The following DPP6 variants were observed in gnomAD, a reference collection of about 807,000 sequenced individuals.
The protein encoded by DPP6 is dipeptidyl peptidase like 6, also known as A-type potassium channel modulatory protein DPP6.
In DPP6, 69 loss-of-function variants were observed where a neutral mutation model predicts 122.6. That is an observed-to-expected ratio of 0.56 (90% CI 0.46 to 0.69). The LOEUF (loss-of-function observed/expected upper bound fraction) is 0.69. DPP6 is among the 30% of genes least tolerant of loss of function. The pLI is 0.00. For missense variants in DPP6, 928 were observed against 1,116.9 expected, an observed-to-expected ratio of 0.83 and a Z score of 2.41; for synonymous variants, 418 against 433.1, an observed-to-expected ratio of 0.97 and a Z score of 0.43.
intron 1 of DPP6, among the ~76,000 whole-genome samples, chr7:154,369,896 T>C (rs145218606): frequency 0.025 from 3,860 of 152,280 alleles, 149 homozygotes; most frequent in African/African-American, 0.086. Flanking sequence ...CACCAGGTGT[T>C]TATTCAGGTG....
At chr7:153,860,664 A>T in the DPP6 span, among the ~76,000 whole-genome samples, 1 of 137,056 alleles carries the variant, frequency 7.3e-6, no homozygotes, top group Non-Finnish European at 1.6e-5. Context: ...AAAAAAAAAA[A>T]AGGGGCCCTG....
At chr7:154,202,032 A>G (rs1175356092) in intron 1 of DPP6, among the ~76,000 whole-genome samples, 1 of 152,252 alleles carries the variant, frequency 6.6e-6, no homozygotes, top group African/African-American at 2.4e-5. Flanking sequence ...TACAGTTAGT[A>G]GTACCTAAAA....
intron 6 of DPP6, among the ~76,000 whole-genome samples, chr7:154,650,889 C>G (rs1160142743): frequency 1.3e-5 from 2 of 152,186 alleles, no homozygotes; most frequent in Non-Finnish European, 2.9e-5. Context: ...TGAGAACTGT[C>G]TACAATTAAC....
intron 22 of DPP6, among the ~76,000 whole-genome samples, chr7:154,886,154 T>C (rs1004302380): frequency 6.6e-6 from 1 of 152,142 alleles, no homozygotes; most frequent in Non-Finnish European, 1.5e-5. Flanking sequence ...TGGGCATGGG[T>C]ATTTGGTGCA....
chr7:154,368,517 C>G (rs974036655), intron 1 of DPP6, among the ~76,000 whole-genome samples: 45 of 152,310 alleles, frequency 3.0e-4, no homozygotes, highest in African/African-American at 1.1e-3. Flanking sequence ...ATAATTTTGC[C>G]ACGAAACATC....
chr7:154,522,619 T>C (rs1442026811), intron 3 of DPP6, among the ~76,000 whole-genome samples: 2 of 152,296 alleles, frequency 1.3e-5, no homozygotes, highest in Middle Eastern at 3.4e-3. Flanking sequence ...AAGAAACCTT[T>C]GTACCTCTTT....
At chr7:154,693,796 T>TGCCATAGTCATGTGGCTC (rs1398541937) in intron 7 of DPP6, among the ~76,000 whole-genome samples, 2 of 152,192 alleles carry the variant, frequency 1.3e-5, no homozygotes, top group Non-Finnish European at 2.9e-5. Flanking sequence ...TGATGTGGCC[T>TGCCATAGTCATGTGGCTC]GCCATAGTCA....
intron 1 of DPP6, chr7:154,026,881 A>G (rs1479249482): frequency 6.6e-6 from 1 of 152,032 alleles, no homozygotes; most frequent in Non-Finnish European, 1.5e-5. Context: ...GTAATATTCT[A>G]TTTTTAAAAT....
intron 1 of DPP6, among the ~76,000 whole-genome samples, chr7:154,216,602 T>G (rs1800011199): frequency 6.6e-6 from 1 of 152,180 alleles, no homozygotes; most frequent in East Asian, 1.9e-4. Context: ...GGGTGTATGA[T>G]GATCCTCTCT....
At chr7:154,819,101 TC>T (rs1799600125) in intron 16 of DPP6, among the ~76,000 whole-genome samples, 1 of 152,150 alleles carries the variant, frequency 6.6e-6, no homozygotes, top group Non-Finnish European at 1.5e-5. Flanking sequence ...CTGCAGTCTT[TC>T]ATCTGAAATG....
intron 7 of DPP6, among the ~76,000 whole-genome samples, chr7:154,701,846 A>G (rs1316181648): frequency 6.6e-6 from 1 of 152,134 alleles, no homozygotes; most frequent in East Asian, 1.9e-4. Flanking sequence ...ATGAGATGTC[A>G]CTCACTATCC....
intron 1 of DPP6, among the ~76,000 whole-genome samples, chr7:154,129,651 G>A (rs1408961239): frequency 6.6e-6 from 1 of 152,176 alleles, no homozygotes; most frequent in African/African-American, 2.4e-5. Context: ...TGTAATCCCA[G>A]CACTTTGGGA....
chr7:154,244,076 CAA>C (rs1663834101), intron 1 of DPP6, among the ~76,000 whole-genome samples: 1 of 151,888 alleles, frequency 6.6e-6, no homozygotes, highest in African/African-American at 2.4e-5. Context: ...GGTATAAAAA[CAA>C]AGAGAACCAC....
At chr7:154,505,671 A>G (rs1194349931) in intron 3 of DPP6, among the ~76,000 whole-genome samples, 1 of 152,188 alleles carries the variant, frequency 6.6e-6, no homozygotes, top group Non-Finnish European at 1.5e-5. Context: ...GACTGGGTTT[A>G]TAGGGCTTTG....
chr7:154,233,308 T>C (rs1379406339), intron 1 of DPP6, among the ~76,000 whole-genome samples: 2 of 152,214 alleles, frequency 1.3e-5, no homozygotes, highest in East Asian at 3.9e-4. Context: ...TAATAATCTG[T>C]TCATCAGTGC....
chr7:154,450,646 G>A (rs1586309122), intron 2 of DPP6, among the ~76,000 whole-genome samples: 1 of 152,194 alleles, frequency 6.6e-6, no homozygotes, highest in Non-Finnish European at 1.5e-5. Context: ...ATCAGGCTGA[G>A]GATTCAATCC....
At chr7:154,180,867 C>T (rs891618262) in intron 1 of DPP6, among the ~76,000 whole-genome samples, 5 of 152,218 alleles carry the variant, frequency 3.3e-5, no homozygotes, top group South Asian at 4.2e-4. Flanking sequence ...TTCAAAATCA[C>T]ATTAATTCAA....
chr7:154,064,522 C>G (rs189746839), intron 1 of DPP6, among the ~76,000 whole-genome samples: 1 of 152,178 alleles, frequency 6.6e-6, no homozygotes. Flanking sequence ...AAACCACTAC[C>G]TCTACTAAAG....
intron 1 of DPP6, among the ~76,000 whole-genome samples, chr7:154,093,345 A>C (rs1805020180): frequency 6.8e-6 from 1 of 146,464 alleles, no homozygotes; most frequent in Admixed American, 6.9e-5. Context: ...CATCATACAC[A>C]GCATACACAT....
Sources: gnomAD v4.1 joint callset for allele counts (sites outside exome capture counted in the v4.1 genomes callset) on GRCh38, gnomAD v4.1.1 for gene constraint, MANE v1.5 for transcripts, NCBI Gene and HGNC (gene_info 2026-07-23, HGNC 2026-07-21) for gene names.